OAS3: variants seen among roughly 807,000 people sequenced by gnomAD.
OAS3 encodes 2'-5'-oligoadenylate synthase 3.
Under a neutral mutation model 113.0 loss-of-function variants are expected in OAS3, and 107 were observed. The observed-to-expected ratio is 0.95, with a 90% CI of 0.81 to 1.11. The LOEUF is 1.11. OAS3 is among the 50% of genes most tolerant of loss of function. The probability of loss-of-function intolerance (pLI) is 0.00; values close to 1 mark genes in which losing one functional copy is unlikely to be tolerated. For missense variants in OAS3, 1,258 were observed against 1,389.1 expected, an observed-to-expected ratio of 0.91 and a Z score of 1.50; for synonymous variants, 552 against 573.6, an observed-to-expected ratio of 0.96 and a Z score of 0.54.
intron 4 of OAS3, among the ~76,000 whole-genome samples, chr12:112,947,216 G>T (rs769090231): frequency 2.6e-5 from 4 of 152,102 alleles, no homozygotes; most frequent in Non-Finnish European, 5.9e-5. Context: ...TGAATGTTTT[G>T]CTGATGTATA....
Position 112,963,394 on chromosome 12 carries a change from G to T in OAS3, c.2166G>T (p.Ala722=). Residue 722 remains alanine (A), a synonymous_variant, in exon 10 of 16, where the codon GCG becomes GCT. Transcript: ENST00000228928. The surrounding 1 kb of genome is among the most constrained non-coding windows in gnomAD (Gnocchi z 4.6). Reference sequence around the variant, plus strand: ...AGCTGTTGGCCCAGGAAGCAGCAGCGCTGGGGATGCAGGCCTGCTTTCTGA... The same window carrying T: ...AGCTGTTGGCCCAGGAAGCAGCAGCTCTGGGGATGCAGGCCTGCTTTCTGA... The part of the protein sequence containing the change: ...SWELLAQEAA[A]LGMQACFLSR... 3.2e-6 allele frequency: 5 copies of T among 1,552,674 alleles called. No individual in the cohort carries two copies. The highest frequency in any genetic ancestry group is 1.4e-5 in the African/African-American group (1 of 73,186).
rs371964344 is a variant in OAS3 at position 112,950,769 on chromosome 12, C to T, written c.1451C>T (p.Thr484Met). Residue 484 changes from threonine (T) to methionine (M), a missense_variant, in exon 7 of 16, where the codon ACG becomes ATG. Thr to Met is a moderately conservative substitution (Grantham distance 81). Coordinates refer to ENST00000228928, the MANE Select transcript of OAS3 (RefSeq NM_006187.4). ...VELIIFLNCF[T>M]DYKDQGPRRA... ...CTCATCATCTTCCTCAACTGCTTCA[C>T]GGACTACAAGGACCAGGGGCCCCGC... 2.0e-5 allele frequency: 33 copies of T among 1,614,036 alleles called. No individual in the cohort carries two copies. The highest frequency in any genetic ancestry group is 8.3e-5 in the Admixed American group (5 of 60,034).
chr12:112,946,795 A>G lies in OAS3; in HGVS notation c.689A>G (p.Glu230Gly), dbSNP rs1042308839. The change falls in exon 4 of 16, where the codon GAA becomes GGA. Residue 230 changes from glutamate to glycine, a missense_variant. By Grantham distance (98) the Glu-to-Gly change is moderately conservative (BLOSUM62 -2). Transcript: ENST00000228928. ...ACGCTGCCCCCGGTCTATGCCCTGG[A>G]ATTGCTGACCATCTTCGCCTGGGAG... ...KETLPPVYAL[E>G]LLTIFAWEQG... The G allele has an allele frequency of 6.2e-7, 1 of 1,613,558 alleles. No individual in the cohort carries two copies. The highest frequency in any genetic ancestry group is 1.7e-5 in the Admixed American group (1 of 59,984).
chr12:112,939,683 T>G (rs1392052388), intron 1 of OAS3, among the ~76,000 whole-genome samples: 2 of 152,184 alleles, frequency 1.3e-5, no homozygotes, highest in East Asian at 3.9e-4. Flanking sequence ...GGTCACTTTT[T>G]GTCACTTAAA....
intron 11 of OAS3, among the ~76,000 whole-genome samples, chr12:112,965,081 C>G (rs1029123598): frequency 2.6e-5 from 4 of 152,170 alleles, no homozygotes; most frequent in African/African-American, 9.7e-5. Flanking sequence ...CAAAAGGTCA[C>G]ACTGTCCACG....
intron 12 of OAS3, 35 bp from the exon 13 acceptor site, chr12:112,967,381 GGA>G: frequency 6.3e-7 from 1 of 1,578,804 alleles, no homozygotes; most frequent in Non-Finnish European, 8.6e-7. Context: ...GGACAACATG[GGA>G]GCCGGAGTGA....
intron 4 of OAS3, among the ~76,000 whole-genome samples, chr12:112,947,355 C>A (rs1283266548): frequency 6.6e-6 from 1 of 152,228 alleles, no homozygotes; most frequent in African/African-American, 2.4e-5. Context: ...AATAACCCCA[C>A]TTACACTTTT....
In OAS3 at chr12:112,955,229, G is replaced by A. The variant is rs140169981; in HGVS notation, c.1657+4254G>A. Among the ~76,000 whole-genome samples the A allele has an allele frequency of 5.5e-4, 84 of 152,296 alleles. 1 individual carries two copies. In the East Asian group the frequency reaches 0.012, roughly 22 times the overall value. ...GCTTAAGAACATTTTGGGCTGAGAC[G>A]ATGGGGTTTTCTAAATATACAATCA... On this transcript the variant is annotated intron_variant, in intron 7 of 15. Coordinates refer to ENST00000228928, the MANE Select transcript of OAS3 (RefSeq NM_006187.4).
rs768318329 is a variant in OAS3 at position 112,949,043 on chromosome 12, G to T, written c.1212G>T (p.Met404Ile). The change falls in exon 6 of 16, where the codon ATG becomes ATT. Residue 404 changes from methionine to isoleucine, a missense_variant. Physicochemically the swap from Met to Ile is conservative, Grantham distance 10. Transcript: ENST00000228928. Reference protein sequence around the residue: ...AASIVPSVPGMALDLSQIPTK... With the variant: ...AASIVPSVPGIALDLSQIPTK... ...GCATCGTCCCCTCTGTGCCGGGAAT[G>T]GCCTTGGACCTGTCTCAGATCCCCA... The T allele has an allele frequency of 7.4e-6, 12 of 1,614,058 alleles. No individual in the cohort carries two copies. The highest frequency in any genetic ancestry group is 1.0e-5 in the Non-Finnish European group (12 of 1,179,904).
chr12:112,945,614 C>G (rs1235049998), intron 3 of OAS3, among the ~76,000 whole-genome samples: 1 of 152,164 alleles, frequency 6.6e-6, no homozygotes, highest in South Asian at 2.1e-4. Context: ...GCACATGGAC[C>G]AGTCATCATA....
At chr12:112,940,073 T>C (rs569913873) in intron 1 of OAS3, among the ~76,000 whole-genome samples, 5 of 152,224 alleles carry the variant, frequency 3.3e-5, no homozygotes, top group African/African-American at 7.2e-5. Flanking sequence ...ACAATCTCCC[T>C]GTGCTTTCAT....
chr12:112,939,829 G>A (rs539334297), intron 1 of OAS3, among the ~76,000 whole-genome samples: 1 of 152,288 alleles, frequency 6.6e-6, no homozygotes, highest in East Asian at 1.9e-4. Context: ...TGTGCTAGAG[G>A]AGGTTGTCAG....
intron 3 of OAS3, 134 bp downstream of exon 3, chr12:112,944,785 G>A: frequency 1.2e-5 from 11 of 951,068 alleles, no homozygotes; most frequent in Non-Finnish European, 1.8e-5. Context: ...TGTCCCTTGT[G>A]CATTATTTTC....
At chr12:112,939,306 C>CTTTTTTTTTTTTTTTTTT (rs58792765) in intron 1 of OAS3, among the ~76,000 whole-genome samples, 1 of 68,302 alleles carries the variant, frequency 1.5e-5, no homozygotes, top group African/African-American at 5.5e-5. Context: ...TGAGTCACAT[C>CTTTTTTTTTTTTTTTTTT]TTTTTTTTTT....
In OAS3 at chr12:112,950,763, G is replaced by A. The variant is rs1334859745; in HGVS notation, c.1445G>A (p.Cys482Tyr). The change falls in exon 7 of 16, where the codon TGC (cysteine) becomes TAC (tyrosine). Residue 482 changes from cysteine to tyrosine, a missense_variant. Physicochemically the swap from Cys to Tyr is radical, Grantham distance 194. Transcript: ENST00000228928. ...CDVELIIFLNCFTDYKDQGPR... is the reference protein window; with the variant it reads ...CDVELIIFLNYFTDYKDQGPR... Reference sequence around the variant, plus strand: ...GTTGAACTCATCATCTTCCTCAACTGCTTCACGGACTACAAGGACCAGGGG... The same window carrying A: ...GTTGAACTCATCATCTTCCTCAACTACTTCACGGACTACAAGGACCAGGGG... The A allele has an allele frequency of 6.2e-7, 1 of 1,614,042 alleles. No individual in the cohort carries two copies. Among genetic ancestry groups the A allele is most frequent in the Non-Finnish European group, 8.5e-7 (1 of 1,179,890 alleles).
In OAS3 at chr12:112,938,487, C is replaced by A; in HGVS notation, c.-44C>A. On this transcript the variant is annotated 5_prime_UTR_variant, in exon 1 of 16. Coordinates refer to ENST00000228928, the MANE Select transcript of OAS3 (RefSeq NM_006187.4). ...GAAAACGAAACCAGAAATCCGAAGG[C>A]CGCGCCAGAGCCCTGCTTCCCCTTG... is the stretch of plus-strand genomic sequence containing the variant. 6.7e-7 allele frequency: 1 copy of A among 1,493,674 alleles called. No individual in the cohort carries two copies. Among genetic ancestry groups the A allele is most frequent in the Non-Finnish European group, 8.9e-7 (1 of 1,123,052 alleles). The allele number at this position is 1,493,674 out of a possible 1,614,324, so 92.5% of individuals were successfully genotyped here.
chr12:112,961,822 G>A (rs1018478197), intron 8 of OAS3, among the ~76,000 whole-genome samples: 11 of 151,262 alleles, frequency 7.3e-5, no homozygotes, highest in Admixed American at 1.3e-4. Flanking sequence ...TTGAGAAAGT[G>A]TCTCCCTTTG....
At chr12:112,968,197 C>T in intron 14 of OAS3, 23 bp downstream of exon 14, 2 of 1,594,974 alleles carry the variant, frequency 1.3e-6, no homozygotes, top group Non-Finnish European at 1.7e-6. Context: ...CCCCAATGTT[C>T]CAGAATTTCA....
Position 112,938,911 on chromosome 12 carries a change from A to G in OAS3, c.177+204A>G, listed in dbSNP as rs1222351893. Among the ~76,000 whole-genome samples the G allele has an allele frequency of 2.6e-5, 4 of 152,194 alleles. No individual in the cohort carries two copies. The East Asian group carries it at 5.8e-4, about 22-fold the overall frequency. ...AGGTACTCTTAAGCCCGCTTGACAG[A>G]TAGAGAAAATGAGGCACAGAGAGGT... On this transcript the variant is annotated intron_variant, in intron 1 of 15. Coordinates refer to ENST00000228928, the MANE Select transcript of OAS3 (RefSeq NM_006187.4).
Sources: gnomAD v4.1 joint callset for allele counts (sites outside exome capture counted in the v4.1 genomes callset) on GRCh38, gnomAD v4.1.1 for gene constraint, Gnocchi (gnomAD v3.1) non-coding constraint, MANE v1.5 for transcripts, NCBI Gene and HGNC (gene_info 2026-07-23, HGNC 2026-07-21) for gene names.